The following FSTL5 variants were observed in gnomAD, a reference collection of about 807,000 sequenced individuals.
FSTL5 encodes follistatin like 5.
FSTL5 carries 62 observed loss-of-function variants against 89.1 expected under a neutral mutation model. The ratio of observed to expected loss-of-function variants is 0.70; its 90% CI spans 0.57 to 0.86. The LOEUF (loss-of-function observed/expected upper bound fraction) is 0.86, where lower values mean the gene tolerates loss of function less well. Ranked by LOEUF, FSTL5 falls within the 40% of genes least tolerant of loss-of-function variation. The probability of loss-of-function intolerance (pLI) is 0.00; values close to 1 mark genes in which losing one functional copy is unlikely to be tolerated. For missense variants in FSTL5, 1,057 were observed against 1,001.6 expected (o/e 1.06, Z -0.75); for synonymous variants, 383 against 346.2 (o/e 1.11, Z -1.18).
intron 3 of FSTL5, among the ~76,000 whole-genome samples, chr4:161,971,905 T>C (rs1703066365): frequency 6.6e-6 from 1 of 152,186 alleles, no homozygotes; most frequent in South Asian, 2.1e-4. Flanking sequence ...CAGTTGATGA[T>C]GCTTTCTAAT....
chr4:161,992,921 T>TATACAC (rs1736170664), intron 3 of FSTL5, among the ~76,000 whole-genome samples: 2 of 13,156 alleles, frequency 1.5e-4, no homozygotes, highest in African/African-American at 3.5e-4. Context: ...TATATATATA[T>TATACAC]ATATGTGTGT....
chr4:161,420,169 T>C (rs1003981469), intron 15 of FSTL5, among the ~76,000 whole-genome samples: 1 of 152,194 alleles, frequency 6.6e-6, no homozygotes, highest in Non-Finnish European at 1.5e-5. Context: ...ACTAATGATA[T>C]AGACTCTCCA....
chr4:161,862,386 T>C (rs547126226), intron 4 of FSTL5, among the ~76,000 whole-genome samples: 1 of 152,288 alleles, frequency 6.6e-6, no homozygotes, highest in East Asian at 1.9e-4. Flanking sequence ...AGTCTTGATA[T>C]TGGAGATGAT....
chr4:161,532,166 C>G (rs1017580808), intron 10 of FSTL5, among the ~76,000 whole-genome samples: 1 of 151,160 alleles, frequency 6.6e-6, no homozygotes, highest in Non-Finnish European at 1.5e-5. Context: ...GATCACGCCA[C>G]TCCAGCCTGG....
intron 2 of FSTL5, chr4:162,035,082 A>G (rs938285812): frequency 1.3e-5 from 2 of 152,138 alleles, no homozygotes; most frequent in African/African-American, 4.8e-5. Flanking sequence ...CCGAAAGGAC[A>G]TTTGTTAATG....
chr4:161,412,448 A>C (rs2110940229), intron 15 of FSTL5, among the ~76,000 whole-genome samples: 1 of 152,034 alleles, frequency 6.6e-6, no homozygotes, highest in Admixed American at 6.6e-5. Flanking sequence ...GGAACTGAAC[A>C]ATGAGAACAC....
In FSTL5 at chr4:162,109,239, T is replaced by C. The variant is rs544036597; in HGVS notation, c.126+2032A>G. ...CTTCAAGGTGTCAGAGAAAAGAAGG[T>C]AATTCCTGAGGGCTGAATATGAGGG... On this transcript the variant is annotated intron_variant, in intron 2 of 15. Coordinates refer to ENST00000306100, the MANE Select transcript of FSTL5 (RefSeq NM_020116.5). Among the ~76,000 whole-genome samples, 17 of 152,144 alleles carry C rather than the reference T, an allele frequency of 1.1e-4. 1 individual carries two copies. The South Asian group carries it at 3.5e-3, about 32-fold the overall frequency.
intron 8 of FSTL5, among the ~76,000 whole-genome samples, chr4:161,565,742 G>GACACAC (rs145835055): frequency 0.22 from 29,081 of 133,378 alleles, 3,176 homozygotes; most frequent in East Asian, 0.27. Context: ...TATAACTTGA[G>GACACAC]ACACACACAC....
At chr4:161,966,983 A>G (rs563331636) in intron 3 of FSTL5, among the ~76,000 whole-genome samples, 27 of 152,058 alleles carry the variant, frequency 1.8e-4, no homozygotes, top group Non-Finnish European at 3.7e-4. Context: ...AACATATTTT[A>G]CGCAAGATGG....
chr4:161,608,063 T>C (rs895427131), intron 7 of FSTL5, among the ~76,000 whole-genome samples: 3 of 152,178 alleles, frequency 2.0e-5, no homozygotes, highest in Admixed American at 6.5e-5. Context: ...TGGAGAAATT[T>C]GTTTCCTTTT....
chr4:161,675,295 G>T (rs928679456), intron 6 of FSTL5, among the ~76,000 whole-genome samples: 1 of 151,500 alleles, frequency 6.6e-6, no homozygotes, highest in African/African-American at 2.4e-5. Context: ...TTGAATTTGG[G>T]CTATAAAAAC....
chr4:161,678,506 G>C (rs1441196718), intron 6 of FSTL5, among the ~76,000 whole-genome samples: 2 of 151,810 alleles, frequency 1.3e-5, no homozygotes, highest in Non-Finnish European at 2.9e-5. Flanking sequence ...TATAGAAAAA[G>C]AATATTACAA....
rs573407930 is a variant in FSTL5 at position 161,777,522 on chromosome 4, G to C, written c.410-1448C>G. 8.5e-5 allele frequency among the ~76,000 whole-genome samples: 13 copies of C among 152,080 alleles called. No homozygotes were observed. In the East Asian group the frequency reaches 2.5e-3, roughly 29 times the overall value. The stretch of plus-strand genomic sequence containing the variant: ...AAAATAAATGTATTTTCTTAATTCT[G>C]ACTTCTTAATAGCACTAAGATCATA... On this transcript the variant is annotated intron_variant, in intron 4 of 15. Transcript: ENST00000306100.
At chr4:161,745,270 A>G (rs1291214323) in intron 6 of FSTL5, among the ~76,000 whole-genome samples, 1 of 152,050 alleles carries the variant, frequency 6.6e-6, no homozygotes, top group Non-Finnish European at 1.5e-5. Context: ...TACACCTCAA[A>G]GGATTAGAAA....
At chr4:161,762,969 T>C (rs1740859437) in intron 5 of FSTL5, among the ~76,000 whole-genome samples, 3 of 152,190 alleles carry the variant, frequency 2.0e-5, no homozygotes, top group South Asian at 2.1e-4. Flanking sequence ...TTCAATGTAA[T>C]AGAAATGTCA....
chr4:161,551,212 T>C (rs1028603772), intron 8 of FSTL5, among the ~76,000 whole-genome samples: 6 of 149,596 alleles, frequency 4.0e-5, no homozygotes, highest in Admixed American at 4.0e-4. Context: ...AGTGTAAAAG[T>C]GTTCCTATTT....
At chr4:161,835,296 A>G (rs1168529765) in intron 4 of FSTL5, among the ~76,000 whole-genome samples, 1 of 152,110 alleles carries the variant, frequency 6.6e-6, no homozygotes, top group Non-Finnish European at 1.5e-5. Context: ...TTATACAAAA[A>G]TTAATTCAAG....
chr4:161,722,067 C>T (rs1445193284), intron 6 of FSTL5, among the ~76,000 whole-genome samples: 4 of 151,926 alleles, frequency 2.6e-5, no homozygotes, highest in Non-Finnish European at 5.9e-5. Context: ...TTGAAGATGT[C>T]TTTTTCTTTC....
intron 10 of FSTL5, among the ~76,000 whole-genome samples, chr4:161,535,965 C>T (rs183034986): frequency 5.8e-4 from 88 of 152,084 alleles, no homozygotes; most frequent in Admixed American, 3.6e-3. Context: ...AGGCCATTAT[C>T]GTAAGTGAAT....
Sources: gnomAD v4.1 joint callset for allele counts (sites outside exome capture counted in the v4.1 genomes callset) on GRCh38, gnomAD v4.1.1 for gene constraint, MANE v1.5 for transcripts, NCBI Gene and HGNC (gene_info 2026-07-23, HGNC 2026-07-21) for gene names.